The following JAZF1 variants were observed in gnomAD, a reference collection of about 807,000 sequenced individuals.
JAZF1 encodes JAZF zinc finger 1.
A neutral mutation model predicts 26.4 loss-of-function variants in JAZF1; 8 were observed. The observed-to-expected ratio is 0.30, with a 90% CI of 0.18 to 0.55. The LOEUF (loss-of-function observed/expected upper bound fraction) is 0.55, where lower values mean the gene tolerates loss of function less well. Ranked by LOEUF, JAZF1 falls within the 20% of genes least tolerant of loss-of-function variation. JAZF1 has a pLI of 0.94. For missense variants in JAZF1, 199 were observed against 322.0 expected (o/e 0.62, Z 2.92); for synonymous variants, 126 against 122.3 (o/e 1.03, Z -0.20).
At chr7:28,017,510 A>G (rs1447062772) in intron 1 of JAZF1, among the ~76,000 whole-genome samples, 1 of 152,198 alleles carries the variant, frequency 6.6e-6, no homozygotes, top group Non-Finnish European at 1.5e-5. Context: ...TGAACAAAAA[A>G]ACTTATACAG....
intron 1 of JAZF1, among the ~76,000 whole-genome samples, chr7:28,009,900 T>C (rs914027288): frequency 6.6e-6 from 1 of 152,222 alleles, no homozygotes; most frequent in Non-Finnish European, 1.5e-5. Context: ...GAATTACAAA[T>C]CAATAATGTC....
chr7:27,852,741 T>C (rs1247831279), intron 3 of JAZF1, among the ~76,000 whole-genome samples: 11 of 152,236 alleles, frequency 7.2e-5, no homozygotes, highest in African/African-American at 2.7e-4. Context: ...ATTTCACCTG[T>C]TCTGATATTA....
rs201541163 is a variant in JAZF1 at position 28,001,355 on chromosome 7, A to ACAAAACAAAAC, written c.116-9375_116-9374insGTTTTGTTTTG. ...TGACAGAGTGAGACCCTGTCTCAAA[A>ACAAAACAAAAC]AAAACAAAACAAAACAAAACAAAAC... On this transcript the variant is annotated intron_variant, in intron 1 of 4. Transcript: ENST00000283928. Among the ~76,000 whole-genome samples, 62 of 152,154 alleles carry ACAAAACAAAAC rather than the reference A, an allele frequency of 4.1e-4. 1 individual carries two copies. The South Asian group carries it at 6.7e-3, about 16-fold the overall frequency.
intron 1 of JAZF1, among the ~76,000 whole-genome samples, chr7:28,021,133 G>A (rs1187472576): frequency 6.6e-6 from 1 of 152,080 alleles, no homozygotes; most frequent in Non-Finnish European, 1.5e-5. Context: ...ACCCCATCAC[G>A]GTGAAGTAAA....
At chr7:28,063,814 T>C (rs1362774615) in intron 1 of JAZF1, among the ~76,000 whole-genome samples, 1 of 152,158 alleles carries the variant, frequency 6.6e-6, no homozygotes, top group Non-Finnish European at 1.5e-5. Context: ...GCAAATAACT[T>C]GACATTTTAC....
At chr7:28,000,461 T>C (rs1786122997) in intron 1 of JAZF1, among the ~76,000 whole-genome samples, 1 of 152,136 alleles carries the variant, frequency 6.6e-6, no homozygotes. Context: ...AACAGAGCTA[T>C]TGCTCCTAGA....
At position 28,172,105 on chromosome 7, in the gene JAZF1, A is replaced by G. The variant is rs570704930; in HGVS notation, c.115+8358T>C. Among the ~76,000 whole-genome samples the G allele has an allele frequency of 4.6e-5, 7 of 152,370 alleles. No homozygotes were observed. The South Asian group carries it at 1.4e-3, about 32-fold the overall frequency. ...TTAATTAACTTCCTGACACACTGCT[A>G]TAAATACTTCTTTTGGGCTGTATAC... On this transcript the variant is annotated intron_variant, in intron 1 of 4. Transcript: ENST00000283928.
intron 3 of JAZF1, among the ~76,000 whole-genome samples, chr7:27,875,372 A>G (rs192908794): frequency 1.3e-5 from 2 of 152,254 alleles, no homozygotes; most frequent in East Asian, 3.9e-4. Flanking sequence ...TACAGCCCCA[A>G]TCCCAGCAGT....
chr7:28,170,335 ATATGTGTG>A lies in JAZF1; in HGVS notation c.115+10120_115+10127del, dbSNP rs1275919603. Among the ~76,000 whole-genome samples, 217 of 140,146 alleles carry A rather than the reference ATATGTGTG, an allele frequency of 1.5e-3. 1 individual carries two copies. Among genetic ancestry groups the A allele is most frequent in the East Asian group, 0.014 (68 of 4,714 alleles). 91.9% of individuals were successfully genotyped at this position (140,146 alleles called of 152,430 possible). On this transcript the variant is annotated intron_variant, in intron 1 of 4. Coordinates refer to ENST00000283928, the MANE Select transcript of JAZF1 (RefSeq NM_175061.4). ...GAAATCTGAAGTAAAAGAGAAGTTG[ATATGTGTG>A]TGTGTGTGTGTGTGTGTGTGTGTGT...
chr7:27,903,203 G>A (rs1784195409), intron 2 of JAZF1, among the ~76,000 whole-genome samples: 1 of 152,128 alleles, frequency 6.6e-6, no homozygotes. Flanking sequence ...TACTGATTCT[G>A]CAGGCATTAA....
chr7:28,178,692 C>T (rs1220370016), intron 1 of JAZF1, among the ~76,000 whole-genome samples: 1 of 152,176 alleles, frequency 6.6e-6, no homozygotes, highest in Non-Finnish European at 1.5e-5. Context: ...CTTTCAAGCA[C>T]TTTCAGTTAT....
intron 1 of JAZF1, among the ~76,000 whole-genome samples, chr7:28,034,433 G>A (rs1239420520): frequency 7.1e-6 from 1 of 140,104 alleles, no homozygotes; most frequent in East Asian, 2.2e-4. Context: ...GTCTTTGAGG[G>A]TGGCCAGTTA....
intron 4 of JAZF1, among the ~76,000 whole-genome samples, chr7:27,834,052 T>C (rs1022818033): frequency 5.9e-5 from 9 of 152,168 alleles, no homozygotes; most frequent in African/African-American, 1.9e-4. Flanking sequence ...TCCTAAAATA[T>C]TACCTAAATC....
intron 3 of JAZF1, among the ~76,000 whole-genome samples, chr7:27,876,683 T>C (rs1277833597): frequency 2.0e-5 from 3 of 152,210 alleles, no homozygotes; most frequent in Non-Finnish European, 4.4e-5. Flanking sequence ...TGGCTGGATC[T>C]TTCTCAAAAA....
chr7:28,030,737 T>C (rs1783175295), intron 1 of JAZF1, among the ~76,000 whole-genome samples: 1 of 152,228 alleles, frequency 6.6e-6, no homozygotes, highest in Non-Finnish European at 1.5e-5. Context: ...TTTATCTTTG[T>C]GTTGGTTTAA....
At chr7:27,866,024 G>T (rs915751482) in intron 3 of JAZF1, among the ~76,000 whole-genome samples, 6 of 152,080 alleles carry the variant, frequency 3.9e-5, no homozygotes, top group Non-Finnish European at 7.3e-5. Flanking sequence ...TCCTTACTCA[G>T]GCCGTCATCA....
At chr7:28,056,588 T>C (rs1029645323) in intron 1 of JAZF1, among the ~76,000 whole-genome samples, 2 of 152,196 alleles carry the variant, frequency 1.3e-5, no homozygotes, top group Non-Finnish European at 2.9e-5. Context: ...ACATCCACCA[T>C]GTCACAAGTG....
intron 1 of JAZF1, among the ~76,000 whole-genome samples, chr7:28,027,203 G>A (rs1413814922): frequency 6.6e-6 from 1 of 152,188 alleles, no homozygotes; most frequent in East Asian, 1.9e-4. Flanking sequence ...TGCCCCACAA[G>A]TGGCTCACTT....
At chr7:27,862,391 G>A (rs1018515443) in intron 3 of JAZF1, among the ~76,000 whole-genome samples, 2 of 151,114 alleles carry the variant, frequency 1.3e-5, no homozygotes, top group Non-Finnish European at 2.9e-5. Context: ...AGTGTCTACT[G>A]CTGCCGTCTT....
Sources: gnomAD v4.1 joint callset for allele counts (sites outside exome capture counted in the v4.1 genomes callset) on GRCh38, gnomAD v4.1.1 for gene constraint, MANE v1.5 for transcripts, NCBI Gene and HGNC (gene_info 2026-07-23, HGNC 2026-07-21) for gene names.